Variants in GAB2 observed in about 807,000 individuals in gnomAD.
GAB2 encodes GRB2 associated binding protein 2, also known as GRB2-associated-binding protein 2.
In GAB2, 26 loss-of-function variants were observed where a neutral mutation model predicts 65.5. The observed-to-expected ratio is 0.40, with a 90% CI of 0.29 to 0.55. The LOEUF (loss-of-function observed/expected upper bound fraction) is 0.55, where lower values mean the gene tolerates loss of function less well. Ranked by LOEUF, GAB2 falls within the 20% of genes least tolerant of loss-of-function variation. The probability of loss-of-function intolerance (pLI) is 0.53; values close to 1 mark genes in which losing one functional copy is unlikely to be tolerated. For synonymous variants in GAB2, 321 were observed against 329.6 expected (o/e 0.97, Z 0.28); for missense variants, 884 against 875.8 (o/e 1.01, Z -0.12).
chr11:78,351,967 C>A (rs939855358), intron 1 of GAB2, among the ~76,000 whole-genome samples: 1 of 152,154 alleles, frequency 6.6e-6, no homozygotes, highest in Non-Finnish European at 1.5e-5. Context: ...AATACCAGCA[C>A]TTTGGGAGGC....
chr11:78,231,500 C>G (rs1864853372), intron 3 of GAB2, among the ~76,000 whole-genome samples: 1 of 152,140 alleles, frequency 6.6e-6, no homozygotes, highest in South Asian at 2.1e-4. Context: ...CAGGAGCGTA[C>G]CACTGCACCT....
intron 1 of GAB2, among the ~76,000 whole-genome samples, chr11:78,403,780 A>T (rs1276639449): frequency 2.6e-5 from 4 of 152,232 alleles, no homozygotes; most frequent in African/African-American, 9.6e-5. Flanking sequence ...CAAAGGAAAC[A>T]ATTAACAACA....
chr11:78,368,801 G>T (rs1856530449), intron 1 of GAB2, among the ~76,000 whole-genome samples: 1 of 152,024 alleles, frequency 6.6e-6, no homozygotes, highest in African/African-American at 2.4e-5. Flanking sequence ...ATAAGTCCAG[G>T]CATGGCGGCT....
chr11:78,317,881 A>C (rs1855643238), intron 1 of GAB2, among the ~76,000 whole-genome samples: 1 of 152,142 alleles, frequency 6.6e-6, no homozygotes, highest in Non-Finnish European at 1.5e-5. Flanking sequence ...GAAGAAGATT[A>C]AACTACATTA....
intron 2 of GAB2, among the ~76,000 whole-genome samples, chr11:78,267,238 C>A (rs1306376671): frequency 6.6e-6 from 1 of 152,192 alleles, no homozygotes; most frequent in Non-Finnish European, 1.5e-5. Context: ...GGGCTAGGAA[C>A]AAAAGATCCT....
In GAB2 at chr11:78,226,987, T is replaced by G; in HGVS notation, c.685A>C (p.Lys229Gln). ...FLMRSDTAVQ[K>Q]LAQGNGHCVN... is the part of the protein sequence containing the mutation. ...CAGTGTCCATTGCCCTGGGCAAGTT[T>G]TTGTACAGCTGTGTCACTCCTCATG... is the stretch of plus-strand genomic sequence containing the variant. The change falls in exon 4 of 10, where the codon AAA becomes CAA. Residue 229 changes from lysine (K) to glutamine (Q), a missense_variant. Transcript: ENST00000361507. 2 of 1,613,902 alleles carry G rather than the reference T, an allele frequency of 1.2e-6. No homozygotes were observed. The highest frequency in any genetic ancestry group is 1.7e-6 in the Non-Finnish European group (2 of 1,179,922).
intron 1 of GAB2, among the ~76,000 whole-genome samples, chr11:78,375,235 A>C (rs145080527): frequency 2.0e-5 from 3 of 152,262 alleles, no homozygotes; most frequent in African/African-American, 4.8e-5. Flanking sequence ...GAATTAAACT[A>C]CTACTACTAC....
intron 1 of GAB2, among the ~76,000 whole-genome samples, chr11:78,326,405 T>C (rs1855823236): frequency 1.3e-5 from 2 of 152,194 alleles, no homozygotes; most frequent in South Asian, 4.1e-4. Flanking sequence ...TGGATTTCTT[T>C]ATAAAAGGAA....
chr11:78,253,801 G>A (rs756565073), intron 2 of GAB2, among the ~76,000 whole-genome samples: 5 of 151,988 alleles, frequency 3.3e-5, no homozygotes, highest in East Asian at 3.9e-4. Context: ...ATAAATACGC[G>A]TTGATCAAAA....
At chr11:78,398,029 C>A (rs1856923701) in intron 1 of GAB2, among the ~76,000 whole-genome samples, 1 of 150,076 alleles carries the variant, frequency 6.7e-6, no homozygotes, top group Non-Finnish European at 1.5e-5. Context: ...GCTACACACA[C>A]ACACACACAC....
chr11:78,282,408 G>C (rs889068175), intron 1 of GAB2, among the ~76,000 whole-genome samples: 1 of 151,584 alleles, frequency 6.6e-6, no homozygotes, highest in African/African-American at 2.4e-5. Context: ...CTGGGTTCAA[G>C]CGGATTTATC....
intron 6 of GAB2, 35 bp downstream of exon 6, chr11:78,223,377 G>A: frequency 3.4e-6 from 5 of 1,482,810 alleles, no homozygotes; most frequent in Non-Finnish European, 4.5e-6. Flanking sequence ...CCTAGCCACT[G>A]TCCAGAGATG....
In GAB2 at chr11:78,220,377, C is replaced by T. The variant is rs539328057; in HGVS notation, c.1829G>A (p.Gly610Asp). 7 of 1,612,858 alleles carry T rather than the reference C, an allele frequency of 4.3e-6. No individual in the cohort carries two copies. In the African/African-American group the frequency reaches 9.3e-5, roughly 22 times the overall value. Residue 610 changes from glycine (G) to aspartate (D), a missense_variant, in exon 9 of 10, where the codon GGC becomes GAC. By Grantham distance (94) the Gly-to-Asp change is moderately conservative. Coordinates refer to ENST00000361507, the MANE Select transcript of GAB2 (RefSeq NM_080491.3). Reference sequence around the variant, plus strand: ...GTCCAGGGCCAGATAATCAACGCTGCCGGTGCTCTTCTTAGGGGCAGGACT... The same window carrying T: ...GTCCAGGGCCAGATAATCAACGCTGTCGGTGCTCTTCTTAGGGGCAGGACT... ...TNSPAPKKSTGSVDYLALDFQ... is the reference protein window; with the variant it reads ...TNSPAPKKSTDSVDYLALDFQ...
chr11:78,237,346 C>T (rs1343377208), intron 3 of GAB2, among the ~76,000 whole-genome samples: 1 of 152,114 alleles, frequency 6.6e-6, no homozygotes, highest in Non-Finnish European at 1.5e-5. Context: ...CACTGTACTA[C>T]TGAGGAATAA....
At chr11:78,351,734 G>T (rs1460616133) in intron 1 of GAB2, among the ~76,000 whole-genome samples, 1 of 152,172 alleles carries the variant, frequency 6.6e-6, no homozygotes, top group Non-Finnish European at 1.5e-5. Flanking sequence ...AGTAGATAGG[G>T]AACTGGAAGT....
intron 1 of GAB2, among the ~76,000 whole-genome samples, chr11:78,413,769 C>G (rs1287028086): frequency 6.6e-6 from 1 of 152,100 alleles, no homozygotes; most frequent in African/African-American, 2.4e-5. Context: ...ACTTCATCTA[C>G]TCTAAGAAAA....
rs772056387 is a variant in GAB2 at position 78,216,445 on chromosome 11, G to A, written c.*2827C>T. ...TTGTTGGAGGAGGTAGTGGGTGGAG[G>A]GTGGGGATATGCTAGATACGGCTGG... On this transcript the variant is annotated 3_prime_UTR_variant, in exon 10 of 10. Coordinates refer to ENST00000361507, the MANE Select transcript of GAB2 (RefSeq NM_080491.3). 11 of 152,206 alleles carry A rather than the reference G, an allele frequency of 7.2e-5. No homozygotes were observed. Among genetic ancestry groups the A allele is most frequent in the Non-Finnish European group, 1.2e-4 (8 of 68,028 alleles). The allele number at this position is 152,206 out of a possible 1,614,324, so 9.4% of individuals were successfully genotyped here.
intron 1 of GAB2, among the ~76,000 whole-genome samples, chr11:78,332,588 G>C (rs1348712295): frequency 1.3e-5 from 2 of 152,130 alleles, no homozygotes; most frequent in African/African-American, 2.4e-5. Context: ...GTGAATTTTG[G>C]TTATCAAAAA....
intron 1 of GAB2, among the ~76,000 whole-genome samples, chr11:78,330,972 G>A (rs777119258): frequency 1.3e-5 from 2 of 151,882 alleles, no homozygotes; most frequent in Non-Finnish European, 1.5e-5. Flanking sequence ...TCAGGAGTTC[G>A]AGACCAGACT....
Sources: gnomAD v4.1 joint callset for allele counts (sites outside exome capture counted in the v4.1 genomes callset) on GRCh38, gnomAD v4.1.1 for gene constraint, MANE v1.5 for transcripts, NCBI Gene and HGNC (gene_info 2026-07-23, HGNC 2026-07-21) for gene names.